HNRNPA2B1: variants seen among roughly 807,000 people sequenced by gnomAD.
HNRNPA2B1 encodes heterogeneous nuclear ribonucleoproteins A2/B1.
Under a neutral mutation model 46.3 loss-of-function variants are expected in HNRNPA2B1, and 3 were observed. The observed-to-expected ratio is 0.06, with a 90% CI of 0.03 to 0.17. The LOEUF (loss-of-function observed/expected upper bound fraction) is 0.17. Among genes scored for constraint, HNRNPA2B1 ranks in the 10% least tolerant of loss-of-function variants. The pLI, the probability that HNRNPA2B1 is intolerant of heterozygous loss-of-function variation, is 1.00. For missense variants in HNRNPA2B1, 221 were observed against 418.9 expected (o/e 0.53, Z 4.12); for synonymous variants, 225 against 133.8 (o/e 1.68, Z -4.70).
chr7:26,197,999 T>C, intron 1 of HNRNPA2B1: 2 of 504,952 alleles, frequency 4.0e-6, no homozygotes. Flanking sequence ...ATAAATTTAC[T>C]CAACATTAAA....
Position 26,192,196 on chromosome 7 carries a change from G to GC in HNRNPA2B1, c.*163dup. The GC allele has an allele frequency of 4.2e-6, 1 of 239,328 alleles. No individual in the cohort carries two copies. Among genetic ancestry groups the GC allele is most frequent in the Non-Finnish European group, 8.2e-6 (1 of 122,542 alleles). The allele number at this position is 239,328 out of a possible 1,614,324, so 14.8% of individuals were successfully genotyped here. On this transcript the variant is annotated 3_prime_UTR_variant, in exon 11 of 11. Coordinates refer to ENST00000618183, the MANE Select transcript of HNRNPA2B1 (RefSeq NM_002137.4). ...CAATCCATTCACAAAATGGCTCTCT[G>GC]CATCTGCTCTGGTGTCTTCTGCCAT... is the stretch of plus-strand genomic sequence containing the variant.
At position 26,200,464 on chromosome 7, in the gene HNRNPA2B1, G is replaced by A. The variant is rs1645751296; in HGVS notation, c.6+108C>T. On this transcript the variant is annotated intron_variant, in intron 1 of 10. Coordinates refer to ENST00000618183, the MANE Select transcript of HNRNPA2B1 (RefSeq NM_002137.4). ...CTTAAGCCCCACTGCTACTGAATTG[G>A]TCCGATTTCCTGCCTCTCTCCCACG... 14 of 1,118,062 alleles carry A rather than the reference G, an allele frequency of 1.3e-5. No individual in the cohort carries two copies. In the South Asian group the frequency reaches 1.6e-4, roughly 13 times the overall value. 69.3% of individuals were successfully genotyped at this position (1,118,062 alleles called of 1,614,324 possible). A position where few individuals can be genotyped will look rare whatever the true frequency, so the allele number is the denominator to read the frequency against.
rs762241851 is a variant in HNRNPA2B1, at chr7:26,192,589, G to A, written c.965-12C>T. ...TGGACCATAGTTTCCTATAATTGTT[G>A]GAACAGCAAGAGAAAACAAACTTAC... On this transcript the variant is annotated splice_polypyrimidine_tract_variant and intron_variant, in intron 9 of 10. Transcript: ENST00000618183. The A allele has an allele frequency of 3.7e-6, 6 of 1,612,430 alleles. No individual in the cohort carries two copies. Among genetic ancestry groups the A allele is most frequent in the Non-Finnish European group, 5.1e-6 (6 of 1,178,582 alleles).
At chr7:26,197,215 GA>G (rs1445650001) in intron 3 of HNRNPA2B1, 99 bp downstream of exon 3, 6 of 1,407,156 alleles carry the variant, frequency 4.3e-6, no homozygotes, top group Non-Finnish European at 5.8e-6. Context: ...TTTAATAAGA[GA>G]AAAAATCTTG....
At chr7:26,197,244 G>A (rs1463675754) in intron 3 of HNRNPA2B1, 71 bp downstream of exon 3, 9 of 1,487,860 alleles carry the variant, frequency 6.0e-6, no homozygotes, top group Non-Finnish European at 8.1e-6. Flanking sequence ...ACTAAATTCA[G>A]AAATAGTTTC....
Position 26,197,487 on chromosome 7 carries a change from G to A in HNRNPA2B1, c.118-26C>T, listed in dbSNP as rs199563374. On this transcript the variant is annotated intron_variant, in intron 2 of 10. Transcript: ENST00000618183. ...CTTTCAAACCAAAGGGTAAACTTTA[G>A]CATTTAATCTCATTATAGCTTATAA... 87 of 1,609,362 alleles carry A rather than the reference G, an allele frequency of 5.4e-5. No homozygotes were observed. In the East Asian group the frequency reaches 1.4e-3, roughly 26 times the overall value.
intron 7 of HNRNPA2B1, 72 bp downstream of exon 7, chr7:26,195,775 T>C (rs747215258): frequency 1.1e-5 from 16 of 1,506,888 alleles, no homozygotes; most frequent in African/African-American, 1.4e-5. Flanking sequence ...ACTCAAAATA[T>C]AAATGAAGTA....
At chr7:26,200,156 T>C (rs1283899568) in intron 1 of HNRNPA2B1, 2 of 223,794 alleles carry the variant, frequency 8.9e-6, no homozygotes, top group African/African-American at 2.3e-5. Flanking sequence ...CAAATCCGGT[T>C]CCCGGGAGAG....
chr7:26,197,168 G>C, intron 3 of HNRNPA2B1, 147 bp downstream of exon 3: 1 of 1,173,742 alleles, frequency 8.5e-7, no homozygotes, highest in South Asian at 1.5e-5. Context: ...TGAAAAATAA[G>C]CTAGCTTAAG....
At chr7:26,198,604 AAAC>A (rs1783957237) in intron 1 of HNRNPA2B1, 1 of 152,280 alleles carries the variant, frequency 6.6e-6, no homozygotes, top group Non-Finnish European at 1.5e-5. Context: ...GACAGGCACA[AAAC>A]AATTTTCCAA....
Position 26,200,551 on chromosome 7 carries a change from CATT to C in HNRNPA2B1, c.6+18_6+20del. The C allele has an allele frequency of 6.2e-7, 1 of 1,612,854 alleles. No individual in the cohort carries two copies. Among genetic ancestry groups the C allele is most frequent in the South Asian group, 1.1e-5 (1 of 91,080 alleles). ...CCTCGCCATGCCCTTTTCAATAACT[CATT>C]GATTTCAAACCCGTTACCTCCATCG... On this transcript the variant is annotated intron_variant, in intron 1 of 10. Transcript: ENST00000618183.
rs1267233501 is a variant in HNRNPA2B1 at position 26,194,530 on chromosome 7, C to CA, written c.722-837dup. On this transcript the variant is annotated intron_variant, in intron 7 of 10. Transcript: ENST00000618183. ...CCAGGGCAACACAGCAAAACCCCCACACCTCTACAAAAAAACACAAAATTA... is the reference window on the plus strand; with the variant it reads ...CCAGGGCAACACAGCAAAACCCCCACAACCTCTACAAAAAAACACAAAATTA... Among the ~76,000 whole-genome samples, 4 of 141,060 alleles carry CA rather than the reference C, an allele frequency of 2.8e-5. No homozygotes were observed. In the East Asian group the frequency reaches 9.7e-4, roughly 34 times the overall value. 92.5% of individuals were successfully genotyped at this position (141,060 alleles called of 152,430 possible).
intron 7 of HNRNPA2B1, among the ~76,000 whole-genome samples, chr7:26,195,496 A>G (rs1430166970): frequency 6.6e-6 from 1 of 152,128 alleles, no homozygotes; most frequent in African/African-American, 2.4e-5. Context: ...CATATTTCAT[A>G]TTTTTTCCTA....
chr7:26,195,577 A>C, intron 7 of HNRNPA2B1: 1 of 388,788 alleles, frequency 2.6e-6, no homozygotes, highest in Non-Finnish European at 4.6e-6. Flanking sequence ...AGCACGTACA[A>C]AGATATATCT....
At chr7:26,200,321 TCCG>T (rs1228415634) in intron 1 of HNRNPA2B1, 2 of 560,612 alleles carry the variant, frequency 3.6e-6, no homozygotes, top group Non-Finnish European at 6.4e-6. Context: ...CGGGGCAGCG[TCCG>T]CCATGTGAAA....
intron 4 of HNRNPA2B1, 72 bp downstream of exon 4, chr7:26,196,735 A>T: frequency 6.4e-7 from 1 of 1,564,350 alleles, no homozygotes; most frequent in Non-Finnish European, 8.8e-7. Flanking sequence ...CTTTCAATAA[A>T]GTTACAGATG....
In HNRNPA2B1 at chr7:26,199,527, T is replaced by C. The variant is rs550222847; in HGVS notation, c.6+1045A>G. The C allele has an allele frequency of 2.6e-5, 4 of 152,328 alleles. No homozygotes were observed. The East Asian group carries it at 7.7e-4, about 29-fold the overall frequency. 9.4% of individuals were successfully genotyped at this position (152,328 alleles called of 1,614,324 possible). A position where few individuals can be genotyped will look rare whatever the true frequency, so the allele number is the denominator to read the frequency against. ...TATAAAGGTCCATGGATCTGTCCCG[T>C]AAGGGTTAAACTTCTCAGTAACAAC... On this transcript the variant is annotated intron_variant, in intron 1 of 10. Coordinates refer to ENST00000618183, the MANE Select transcript of HNRNPA2B1 (RefSeq NM_002137.4).
rs1240408015 is a variant in HNRNPA2B1 at position 26,200,717 on chromosome 7, C to G, written c.-140G>C. ...CGAGAAACAACTCTGCGAGGAGCAC[C>G]TCCGCACGGGACCCGGCGCTGCTGC... On this transcript the variant is annotated 5_prime_UTR_variant, in exon 1 of 11. Coordinates refer to ENST00000618183, the MANE Select transcript of HNRNPA2B1 (RefSeq NM_002137.4). 9.3e-7 allele frequency: 1 copy of G among 1,072,770 alleles called. No homozygotes were observed. The highest frequency in any genetic ancestry group is 1.5e-5 in the African/African-American group (1 of 64,772). 66.5% of individuals were successfully genotyped at this position (1,072,770 alleles called of 1,614,324 possible). A position where few individuals can be genotyped will look rare whatever the true frequency, so the allele number is the denominator to read the frequency against.
In HNRNPA2B1 at chr7:26,191,516, A is replaced by C. The variant is rs1014795740; in HGVS notation, c.*844T>G. 1 of 152,200 alleles carries C rather than the reference A, an allele frequency of 6.6e-6. No individual in the cohort carries two copies. The highest frequency in any genetic ancestry group is 1.5e-5 in the Non-Finnish European group (1 of 68,020). The allele number at this position is 152,200 out of a possible 1,614,324, so 9.4% of individuals were successfully genotyped here. On this transcript the variant is annotated 3_prime_UTR_variant, in exon 11 of 11. Coordinates refer to ENST00000618183, the MANE Select transcript of HNRNPA2B1 (RefSeq NM_002137.4). ...AACTACTGTAGTTAAAGTTTTGTAG[A>C]AACAGCACAGTTTTTTAAGACTGGC...
Sources: allele counts gnomAD v4.1 joint callset (sites outside exome capture counted in the v4.1 genomes callset), GRCh38; gene constraint gnomAD v4.1.1; transcripts MANE v1.5; gene names NCBI Gene and HGNC (gene_info 2026-07-23, HGNC 2026-07-21).